The following MDN1 variants were observed in gnomAD, a reference collection of about 807,000 sequenced individuals.
The protein encoded by MDN1 is midasin AAA ATPase 1, also known as midasin.
A neutral mutation model predicts 669.2 loss-of-function variants in MDN1; 266 were observed. The ratio of observed to expected loss-of-function variants is 0.40; its 90% confidence interval spans 0.36 to 0.44. The LOEUF is 0.44. Among genes scored for constraint, MDN1 ranks in the 20% least tolerant of loss-of-function variants. The pLI is 1.00. For missense variants in MDN1, 5,940 were observed against 6,754.0 expected (o/e 0.88, Z 4.22); for synonymous variants, 2,385 against 2,457.1 (o/e 0.97, Z 0.87).
chr6:89,740,182 A>G, intron 32 of MDN1, 52 bp downstream of exon 32: 4 of 1,586,802 alleles, frequency 2.5e-6, no homozygotes, highest in Non-Finnish European at 3.4e-6. Flanking sequence ...TACGAGTACC[A>G]GTAAGCTGAG....
intron 34 of MDN1, among the ~76,000 whole-genome samples, chr6:89,731,569 T>C (rs986934220): frequency 3.4e-5 from 5 of 147,628 alleles, no homozygotes; most frequent in South Asian, 4.2e-4. Context: ...TGAGAACACA[T>C]GGACACAGGG....
chr6:89,765,216 C>T (rs1817752000), intron 15 of MDN1, among the ~76,000 whole-genome samples: 1 of 151,776 alleles, frequency 6.6e-6, no homozygotes, highest in African/African-American at 2.4e-5. Flanking sequence ...AAGATCGTGC[C>T]ACTGCACTCC....
intron 1 of MDN1, chr6:89,815,375 C>G (rs189011182): frequency 2.3e-6 from 1 of 435,546 alleles, no homozygotes; most frequent in African/African-American, 2.0e-5. Flanking sequence ...ATGACACTCT[C>G]ATTCATGACT....
At chr6:89,799,815 A>G (rs1242529296) in intron 2 of MDN1, among the ~76,000 whole-genome samples, 1 of 152,228 alleles carries the variant, frequency 6.6e-6, no homozygotes, top group Non-Finnish European at 1.5e-5. Context: ...TATTTGTGAT[A>G]TATGTTTAGT....
rs1811900883 is a variant in MDN1 at position 89,684,864 on chromosome 6, T to A, written c.11829+12A>T. On this transcript the variant is annotated intron_variant, in intron 71 of 101. Coordinates refer to ENST00000369393, the MANE Select transcript of MDN1 (RefSeq NM_014611.3). ...TCCTCCCAAGAGTGATCATGACAGC[T>A]GTTCATCTTACTTTAAGTTCTTTTT... 3 of 1,522,774 alleles carry A rather than the reference T, an allele frequency of 2.0e-6. No individual in the cohort carries two copies. The highest frequency in any genetic ancestry group is 2.7e-6 in the Non-Finnish European group (3 of 1,097,976). 94.3% of individuals were successfully genotyped at this position (1,522,774 alleles called of 1,614,324 possible). A position where few individuals can be genotyped will look rare whatever the true frequency, so the allele number is the denominator to read the frequency against.
Position 89,693,061 on chromosome 6 carries a change from G to A in MDN1, c.9969C>T (p.Tyr3323=), listed in dbSNP as rs1209498071. ...KQAFRPQLPA[Y]ESLVQEIHHY... Reference sequence around the variant, plus strand: ...GGTGGATCTCCTGAACCAGGGACTCGTAGGCAGGCAGCTGGGGTCTAAAGG... The same window carrying A: ...GGTGGATCTCCTGAACCAGGGACTCATAGGCAGGCAGCTGGGGTCTAAAGG... The change falls in exon 63 of 102, where the codon TAC becomes TAT. Residue 3323 remains tyrosine (Y), a synonymous_variant. Transcript: ENST00000369393. 27 of 1,614,034 alleles carry A rather than the reference G, an allele frequency of 1.7e-5. No homozygotes were observed. Among genetic ancestry groups the A allele is most frequent in the African/African-American group, 4.0e-5 (3 of 74,914 alleles).
intron 1 of MDN1, among the ~76,000 whole-genome samples, chr6:89,816,391 C>A (rs1768833445): frequency 6.7e-6 from 1 of 150,342 alleles, no homozygotes; most frequent in South Asian, 2.1e-4. Flanking sequence ...CAGAGCAAGA[C>A]TCCATCTCCG....
chr6:89,723,185 C>A, intron 39 of MDN1, 42 bp from the exon 40 acceptor site: 1 of 1,561,540 alleles, frequency 6.4e-7, no homozygotes, highest in Non-Finnish European at 8.8e-7. Context: ...GCCCTGCTTA[C>A]TACTAGGCAC....
chr6:89,690,611 A>T (rs1368308212), intron 64 of MDN1, 62 bp downstream of exon 64: 4 of 1,567,396 alleles, frequency 2.6e-6, no homozygotes, highest in Admixed American at 1.7e-5. Context: ...AAGCCATCAG[A>T]GGGAATGTAT....
chr6:89,768,498 G>T (rs552739512), intron 15 of MDN1, among the ~76,000 whole-genome samples: 5 of 152,288 alleles, frequency 3.3e-5, no homozygotes, highest in South Asian at 2.1e-4. Flanking sequence ...AAATTATCCA[G>T]TCTCAGGTAT....
rs148747464 is a variant in MDN1 at position 89,715,768 on chromosome 6, G to C, written c.6745C>G (p.Pro2249Ala). Residue 2249 changes from proline to alanine, a missense_variant and splice_region_variant, in exon 45 of 102, where the codon CCA (proline) becomes GCA (alanine). Coordinates refer to ENST00000369393, the MANE Select transcript of MDN1 (RefSeq NM_014611.3). ...LLMDNVNFCNPSVLDRLNALL... is the reference protein window; with the variant it reads ...LLMDNVNFCNASVLDRLNALL... ...GCATTCAAACGATCCAACACTGATGGGCTGCAGAGACAGAATTCAGATGGT... is the reference window on the plus strand; with the variant it reads ...GCATTCAAACGATCCAACACTGATGCGCTGCAGAGACAGAATTCAGATGGT... The C allele has an allele frequency of 6.3e-7, 1 of 1,598,544 alleles. No homozygotes were observed. Among genetic ancestry groups the C allele is most frequent in the African/African-American group, 1.3e-5 (1 of 74,568 alleles).
In MDN1 at chr6:89,701,928, C is replaced by T. The variant is rs780615102; in HGVS notation, c.8282G>A (p.Arg2761Gln). 1.6e-5 allele frequency: 26 copies of T among 1,613,174 alleles called. No homozygotes were observed. Among genetic ancestry groups the T allele is most frequent in the Middle Eastern group, 1.7e-4 (1 of 6,056 alleles). The part of the protein sequence containing the change: ...VLKHLVHQIP[R>Q]LLMNYEDKYY... The stretch of plus-strand genomic sequence containing the variant: ...CTTGTCTTCATAATTCATCAGAAGT[C>T]GGGGGATCTGGTGGACCAGATGTTT... The change falls in exon 54 of 102, where the codon CGA (arginine) becomes CAA (glutamine). Residue 2761 changes from arginine (R) to glutamine (Q), a missense_variant. Arg to Gln is a conservative substitution (Grantham distance 43, BLOSUM62 1). Around this residue, in one of 5 missense-constraint regions of MDN1, gnomAD observed 2,292 missense variants for 2,638.3 expected, o/e 0.87. Coordinates refer to ENST00000369393, the MANE Select transcript of MDN1 (RefSeq NM_014611.3).
intron 89 of MDN1, 105 bp from the exon 90 acceptor site, chr6:89,658,475 A>C: frequency 6.4e-7 from 1 of 1,551,264 alleles, no homozygotes; most frequent in Non-Finnish European, 8.8e-7. Context: ...AAGGGTCTTA[A>C]AACAGAAACC....
intron 61 of MDN1, among the ~76,000 whole-genome samples, 159 bp from the exon 62 acceptor site, chr6:89,694,342 C>T (rs966958822): frequency 6.6e-6 from 1 of 152,218 alleles, no homozygotes; most frequent in Non-Finnish European, 1.5e-5. Flanking sequence ...ACACCACTCA[C>T]ATCAGAGCTG....
intron 82 of MDN1, 122 bp downstream of exon 82, chr6:89,672,078 C>G: frequency 1.0e-6 from 1 of 978,910 alleles, no homozygotes. Flanking sequence ...AGACCAAGTT[C>G]TTAGTGATTT....
intron 22 of MDN1, among the ~76,000 whole-genome samples, chr6:89,751,919 C>G (rs1562180350): frequency 6.6e-6 from 1 of 152,074 alleles, no homozygotes; most frequent in Admixed American, 6.6e-5. Context: ...AAACCATGTT[C>G]CCCGAAAAAG....
chr6:89,703,369 A>AG (rs113306279), intron 53 of MDN1, among the ~76,000 whole-genome samples: 15,924 of 135,126 alleles, frequency 0.12, 1,066 homozygotes, highest in Non-Finnish European at 0.17. Flanking sequence ...TGTATGGGGA[A>AG]GGGGGGGGGG....
intron 27 of MDN1, among the ~76,000 whole-genome samples, chr6:89,746,610 AAAAAGAAAGAAAGAAAGAAAG>A (rs1468333422): frequency 7.5e-5 from 1 of 13,312 alleles, no homozygotes; most frequent in East Asian, 5.4e-4. Context: ...AAAAAAAAAA[AAAAAGAAAGAAAGAAAGAAAG>A]AAAGAAAGAA....
chr6:89,707,497 C>T lies in MDN1; in HGVS notation c.7899-21G>A, dbSNP rs761603462. ...TTGTCCTGGAATGAGATTCAAAAAA[C>T]GTAACAAATAGCTATCGGTTAATAA... On this transcript the variant is annotated intron_variant, in intron 51 of 101. Coordinates refer to ENST00000369393, the MANE Select transcript of MDN1 (RefSeq NM_014611.3). 9.3e-6 allele frequency: 13 copies of T among 1,405,192 alleles called. 1 individual carries two copies. Among genetic ancestry groups the T allele is most frequent in the South Asian group, 3.5e-5 (3 of 86,796 alleles). 87.0% of individuals were successfully genotyped at this position (1,405,192 alleles called of 1,614,324 possible).
Sources: gnomAD v4.1 joint callset for allele counts (sites outside exome capture counted in the v4.1 genomes callset) on GRCh38, gnomAD v4.1.1 for gene constraint, gnomAD v4.1.1 regional missense constraint, MANE v1.5 for transcripts, NCBI Gene and HGNC (gene_info 2026-07-23, HGNC 2026-07-21) for gene names.